SLC25A46: variants seen among roughly 807,000 people sequenced by gnomAD.
The protein encoded by SLC25A46 is solute carrier family 25 member 46, also known as mitochondrial outer membrane protein SLC25A46.
In SLC25A46, 39 loss-of-function variants were observed where a neutral mutation model predicts 44.6. The ratio of observed to expected loss-of-function variants is 0.87; its 90% CI spans 0.68 to 1.14. The LOEUF (loss-of-function observed/expected upper bound fraction) is 1.14. Ranked by LOEUF, SLC25A46 falls within the 50% of genes most tolerant of loss-of-function variation. The pLI, the probability that SLC25A46 is intolerant of heterozygous loss-of-function variation, is 0.00. For missense variants in SLC25A46, 547 were observed against 522.7 expected (o/e 1.05, Z -0.45); for synonymous variants, 202 against 185.8 (o/e 1.09, Z -0.71).
intron 5 of SLC25A46, among the ~76,000 whole-genome samples, chr5:110,752,795 C>T (rs1369503251): frequency 6.6e-6 from 1 of 152,110 alleles, no homozygotes; most frequent in African/African-American, 2.4e-5. Context: ...TGATATGGGG[C>T]TGGCATATAA....
intron 2 of SLC25A46, among the ~76,000 whole-genome samples, 184 bp from the exon 3 acceptor site, chr5:110,743,546 G>A (rs769214055): frequency 1.3e-5 from 2 of 151,804 alleles, no homozygotes; most frequent in East Asian, 1.9e-4. Flanking sequence ...ATTGAATTTC[G>A]TTATGGGTAG....
intron 5 of SLC25A46, among the ~76,000 whole-genome samples, chr5:110,750,452 A>G (rs1296227419): frequency 1.3e-5 from 2 of 152,112 alleles, no homozygotes; most frequent in East Asian, 1.9e-4. Flanking sequence ...GTTGTTCCTC[A>G]TATCTGTAGG....
upstream of SLC25A46, chr5:110,738,877 G>T: frequency 2.1e-6 from 2 of 948,306 alleles, no homozygotes; most frequent in Non-Finnish European, 3.0e-6. Context: ...ATTCCCTAAC[G>T]ACAACAAACT....
In SLC25A46 at chr5:110,761,110, A is replaced by G; in HGVS notation, c.679-94A>G. 1.1e-6 allele frequency: 1 copy of G among 892,638 alleles called. No homozygotes were observed. The highest frequency in any genetic ancestry group is 1.7e-6 in the Non-Finnish European group (1 of 573,994). The allele number at this position is 892,638 out of a possible 1,614,324, so 55.3% of individuals were successfully genotyped here. On this transcript the variant is annotated intron_variant, in intron 7 of 7. Transcript: ENST00000355943. This position sits in a 1 kb window ranked among gnomAD's most constrained non-coding sequence, Gnocchi z 5.3. ...ATGGATGTTTCCCTCTTCAGTCACT[A>G]TGTTAGGATTTAAAAGGAACCTAAA... is the stretch of plus-strand genomic sequence containing the variant.
intron 5 of SLC25A46, chr5:110,754,376 T>C (rs541818213): frequency 6.6e-6 from 1 of 150,984 alleles, no homozygotes; most frequent in South Asian, 2.1e-4. Flanking sequence ...TTTTTTCTTC[T>C]TATTTACTTT....
chr5:110,757,764 C>T (rs571767795), intron 7 of SLC25A46, among the ~76,000 whole-genome samples: 39 of 152,086 alleles, frequency 2.6e-4, no homozygotes, highest in Non-Finnish European at 4.9e-4. Context: ...GAGATAGCCT[C>T]ATTTTAAAGG....
At position 110,761,474 on chromosome 5, in the gene SLC25A46, C is replaced by T. The variant is rs1192814739; in HGVS notation, c.949C>T (p.Leu317Phe). The T allele has an allele frequency of 1.2e-6, 2 of 1,613,812 alleles. No homozygotes were observed. The highest frequency in any genetic ancestry group is 1.1e-5 in the South Asian group (1 of 91,074). ...QSMLDAYFPELIANFAASLCS... is the reference protein window; with the variant it reads ...QSMLDAYFPEFIANFAASLCS... Reference sequence around the variant, plus strand: ...TATGTTGGATGCTTATTTTCCAGAACTTATTGCTAACTTTGCTGCCAGTCT... The same window carrying T: ...TATGTTGGATGCTTATTTTCCAGAATTTATTGCTAACTTTGCTGCCAGTCT... Residue 317 changes from leucine to phenylalanine, a missense_variant, in exon 8 of 8, where the codon CTT becomes TTT. Transcript: ENST00000355943. The surrounding 1 kb of genome is among the most constrained non-coding windows in gnomAD (Gnocchi z 5.3).
chr5:110,746,570 G>A (rs1462310675), intron 4 of SLC25A46, among the ~76,000 whole-genome samples: 2 of 152,172 alleles, frequency 1.3e-5, no homozygotes, highest in Non-Finnish European at 1.5e-5. Context: ...CTAAGATGAT[G>A]TCTCTGCTAT....
intron 5 of SLC25A46, chr5:110,755,117 C>T: frequency 6.0e-6 from 1 of 167,462 alleles, no homozygotes. Context: ...TTTGTAAAGC[C>T]TTTTTTAATC....
chr5:110,756,946 A>C, intron 7 of SLC25A46, 187 bp downstream of exon 7: 1 of 400,280 alleles, frequency 2.5e-6, no homozygotes, highest in East Asian at 3.8e-5. Flanking sequence ...CTTAAGTCAC[A>C]CTTCTAGTTT....
At chr5:110,745,650 C>T (rs1193878626) in intron 3 of SLC25A46, 2 of 152,144 alleles carry the variant, frequency 1.3e-5, no homozygotes, top group African/African-American at 4.8e-5. Flanking sequence ...TCTGTTCATG[C>T]TTAGCACTGA....
At chr5:110,748,366 G>C (rs1799874262) in intron 5 of SLC25A46, 103 bp downstream of exon 5, 1 of 857,346 alleles carries the variant, frequency 1.2e-6, no homozygotes, top group Non-Finnish European at 1.9e-6. Flanking sequence ...ATTGTGTGAT[G>C]CTAAAGTTTG....
intron 7 of SLC25A46, among the ~76,000 whole-genome samples, chr5:110,759,676 G>A (rs538243645): frequency 6.6e-6 from 1 of 152,236 alleles, no homozygotes; most frequent in South Asian, 2.1e-4. Context: ...GTAAATCATT[G>A]TAATAATTGG....
chr5:110,740,651 A>G (rs12187004), intron 1 of SLC25A46, among the ~76,000 whole-genome samples: 13,222 of 152,194 alleles, frequency 0.087, 600 homozygotes, highest in Admixed American at 0.13. Flanking sequence ...GGGATGATCT[A>G]TACATACAAA....
chr5:110,745,158 C>T (rs1035919034), intron 3 of SLC25A46, among the ~76,000 whole-genome samples: 2 of 152,066 alleles, frequency 1.3e-5, no homozygotes, highest in Non-Finnish European at 2.9e-5. Flanking sequence ...TTAGTAATCA[C>T]TAGGAAAATA....
rs749965222 is a variant in SLC25A46 at position 110,742,094 on chromosome 5, T to C, written c.326+5T>C. ...ATTTGGTATTGGACTTGCAAGGTAA[T>C]GTTTTATCTAAAGACGTTTACAGCT... On this transcript the variant is annotated splice_donor_5th_base_variant and intron_variant, in intron 2 of 7. Coordinates refer to ENST00000355943, the MANE Select transcript of SLC25A46 (RefSeq NM_138773.4). 2.6e-6 allele frequency: 4 copies of C among 1,558,388 alleles called. No homozygotes were observed. In the Admixed American group the frequency reaches 7.5e-5, roughly 29 times the overall value.
intron 2 of SLC25A46, among the ~76,000 whole-genome samples, chr5:110,743,315 G>A (rs1256672806): frequency 1.3e-5 from 2 of 151,972 alleles, no homozygotes; most frequent in Non-Finnish European, 2.9e-5. Flanking sequence ...TTAGAATGGG[G>A]TTCATGAAGA....
At chr5:110,759,481 T>A (rs990109957) in intron 7 of SLC25A46, among the ~76,000 whole-genome samples, 1 of 151,684 alleles carries the variant, frequency 6.6e-6, no homozygotes, top group Non-Finnish European at 1.5e-5. Flanking sequence ...AATAAGCAAA[T>A]GTTGAATTGT....
At chr5:110,747,747 G>A (rs190726933) in intron 4 of SLC25A46, among the ~76,000 whole-genome samples, 6 of 152,170 alleles carry the variant, frequency 3.9e-5, no homozygotes, top group African/African-American at 1.4e-4. Context: ...ATGTTTTCTA[G>A]ATATATTGTT....
Sources: allele counts gnomAD v4.1 joint callset (sites outside exome capture counted in the v4.1 genomes callset), GRCh38; gene constraint gnomAD v4.1.1; non-coding constraint Gnocchi (gnomAD v3.1); transcripts MANE v1.5; gene names NCBI Gene and HGNC (gene_info 2026-07-23, HGNC 2026-07-21).